RAVER2: variants seen among roughly 807,000 people sequenced by gnomAD.
RAVER2 encodes ribonucleoprotein PTB-binding 2.
Under a neutral mutation model 78.1 loss-of-function variants are expected in RAVER2, and 46 were observed. The observed-to-expected ratio is 0.59, with a 90% CI of 0.46 to 0.75. The LOEUF (loss-of-function observed/expected upper bound fraction) is 0.75. RAVER2 is among the 30% of genes least tolerant of loss of function. The pLI is 0.00. For synonymous variants in RAVER2, 311 were observed against 313.3 expected (o/e 0.99, Z 0.08); for missense variants, 793 against 837.5 (o/e 0.95, Z 0.66).
chr1:64,789,472 G>A (rs746217254), exon 5 of RAVER2: 4 of 1,609,406 alleles, frequency 2.5e-6, no homozygotes, highest in Non-Finnish European at 3.4e-6. Flanking sequence ...CATGTTGCAA[G>A]TTCTTCTACA....
intron 9 of RAVER2, among the ~76,000 whole-genome samples, chr1:64,812,241 A>G (rs1653630632): frequency 6.6e-6 from 1 of 151,796 alleles, no homozygotes; most frequent in African/African-American, 2.4e-5. Flanking sequence ...GCGGGCCTGT[A>G]ATCCCAGCTA....
chr1:64,796,869 A>G (rs1653109875), intron 5 of RAVER2, among the ~76,000 whole-genome samples: 1 of 152,010 alleles, frequency 6.6e-6, no homozygotes, highest in African/African-American at 2.4e-5. Flanking sequence ...TCTTCTTTTA[A>G]TGTGTTTAGT....
chr1:64,764,165 A>G (rs982097954), intron 1 of RAVER2, among the ~76,000 whole-genome samples: 3 of 152,186 alleles, frequency 2.0e-5, no homozygotes, highest in African/African-American at 7.2e-5. Context: ...ATAAAGCTTT[A>G]TTTAGGACAG....
At chr1:64,797,404 T>G (rs1322467704) in intron 5 of RAVER2, among the ~76,000 whole-genome samples, 1 of 152,214 alleles carries the variant, frequency 6.6e-6, no homozygotes, top group East Asian at 1.9e-4. Context: ...TTGTTGTTTC[T>G]GTTGTTGTTA....
At chr1:64,795,646 A>T (rs1363879986) in intron 5 of RAVER2, among the ~76,000 whole-genome samples, 1 of 152,046 alleles carries the variant, frequency 6.6e-6, no homozygotes, top group African/African-American at 2.4e-5. Flanking sequence ...CTGATTAAAT[A>T]TTTATTTATC....
At chr1:64,795,355 C>T (rs1653067919) in intron 5 of RAVER2, among the ~76,000 whole-genome samples, 1 of 152,020 alleles carries the variant, frequency 6.6e-6, no homozygotes, top group East Asian at 1.9e-4. Flanking sequence ...TGAAAAATGT[C>T]GGCTGGGATT....
intron 1 of RAVER2, among the ~76,000 whole-genome samples, chr1:64,754,621 G>C (rs960683702): frequency 6.6e-6 from 1 of 152,174 alleles, no homozygotes; most frequent in Non-Finnish European, 1.5e-5. Context: ...GTTGAAAGCT[G>C]TAAACCCTCC....
At chr1:64,802,953 T>A (rs779441525) in intron 5 of RAVER2, 23 bp from the exon 6 acceptor site, 30 of 1,545,470 alleles carry the variant, frequency 1.9e-5, no homozygotes, top group Non-Finnish European at 2.5e-5. Context: ...TAAATTAAAG[T>A]TTTTACTTTT....
At chr1:64,771,371 C>G (rs572717098) in intron 2 of RAVER2, among the ~76,000 whole-genome samples, 1 of 151,918 alleles carries the variant, frequency 6.6e-6, no homozygotes, top group Admixed American at 6.6e-5. Context: ...TTCAGTCATA[C>G]AAAAGTTAAA....
exon 12 of RAVER2, chr1:64,831,997 T>C (rs1654152493): frequency 6.6e-6 from 1 of 152,162 alleles, no homozygotes; most frequent in Non-Finnish European, 1.5e-5. Context: ...TGATCCCTGA[T>C]CTAATAGCAC....
chr1:64,815,582 T>G (rs2100890788), intron 11 of RAVER2: 1 of 152,338 alleles, frequency 6.6e-6, no homozygotes, highest in Non-Finnish European at 1.5e-5. Flanking sequence ...GTTCTGACTC[T>G]TACTTTCCTA....
chr1:64,809,614 C>T (rs1465282507), intron 9 of RAVER2, among the ~76,000 whole-genome samples: 7 of 152,116 alleles, frequency 4.6e-5, no homozygotes. Context: ...GTAAAATATA[C>T]ATAACATACA....
chr1:64,770,272 G>C (rs1652280094), intron 2 of RAVER2, among the ~76,000 whole-genome samples: 1 of 151,950 alleles, frequency 6.6e-6, no homozygotes, highest in Non-Finnish European at 1.5e-5. Context: ...CTCACATAGA[G>C]CCAGGAATAG....
chr1:64,821,240 A>C (rs1163762357), intron 11 of RAVER2, among the ~76,000 whole-genome samples: 1 of 152,066 alleles, frequency 6.6e-6, no homozygotes, highest in Non-Finnish European at 1.5e-5. Context: ...TCCTTTGCCC[A>C]CTTTAATGGG....
intron 4 of RAVER2, among the ~76,000 whole-genome samples, chr1:64,783,093 G>T (rs1234996123): frequency 6.6e-6 from 1 of 152,152 alleles, no homozygotes; most frequent in Non-Finnish European, 1.5e-5. Context: ...GTATTCCATG[G>T]TGTATATGTG....
Position 64,807,185 on chromosome 1 carries a change from TGCA to T in RAVER2, c.1412-20_1412-18del. On this transcript the variant is annotated intron_variant, in intron 8 of 11. Coordinates refer to ENST00000294428, the Ensembl canonical transcript of RAVER2. ...AAATATTTTCTAACTAAAAGCTTTT[TGCA>T]TTTATGGTTTGCTACAGCATCTAGC... The T allele has an allele frequency of 6.3e-7, 1 of 1,591,868 alleles. No homozygotes were observed. Among genetic ancestry groups the T allele is most frequent in the Non-Finnish European group, 8.6e-7 (1 of 1,165,192 alleles).
At chr1:64,812,738 G>A (rs753722340) in exon 10 of RAVER2, 9 of 1,604,298 alleles carry the variant, frequency 5.6e-6, no homozygotes, top group African/African-American at 2.7e-5. Flanking sequence ...TGTTAAATAG[G>A]CTGCCTCTAA....
Position 64,789,526 on chromosome 1 carries a change from G to T in RAVER2, c.1105+12G>T. The T allele has an allele frequency of 6.8e-7, 1 of 1,473,954 alleles. No homozygotes were observed. Among genetic ancestry groups the T allele is most frequent in the South Asian group, 1.6e-5 (1 of 62,122 alleles). 91.3% of individuals were successfully genotyped at this position (1,473,954 alleles called of 1,614,324 possible). ...AGCTGTTAAACCAGGTATGGACCAT[G>T]TATGTATACTGATTAATTAAAGAAT... On this transcript the variant is annotated intron_variant, in intron 5 of 11. Transcript: ENST00000294428.
chr1:64,761,549 G>C (rs1652021828), intron 1 of RAVER2, among the ~76,000 whole-genome samples: 1 of 152,116 alleles, frequency 6.6e-6, no homozygotes, highest in African/African-American at 2.4e-5. Flanking sequence ...CAGCAGGCAG[G>C]AATAGAGAAG....
Sources: allele counts gnomAD v4.1 joint callset (sites outside exome capture counted in the v4.1 genomes callset), GRCh38; gene constraint gnomAD v4.1.1; transcripts MANE v1.5; gene names NCBI Gene and HGNC (gene_info 2026-07-23, HGNC 2026-07-21).